The following FSTL4 variants were observed in gnomAD, a reference collection of about 807,000 sequenced individuals.
FSTL4 encodes follistatin-related protein 4.
FSTL4 carries 28 observed loss-of-function variants against 78.2 expected under a neutral mutation model. That is an observed-to-expected ratio of 0.36 (90% CI 0.27 to 0.49). The LOEUF (loss-of-function observed/expected upper bound fraction) is 0.49, where lower values mean the gene tolerates loss of function less well. Among genes scored for constraint, FSTL4 ranks in the 20% least tolerant of loss-of-function variants. FSTL4 has a pLI of 0.98. For synonymous variants in FSTL4, 422 were observed against 440.5 expected (o/e 0.96, Z 0.53); for missense variants, 922 against 1,084.9 (o/e 0.85, Z 2.11).
the FSTL4 span, among the ~76,000 whole-genome samples, chr5:133,697,914 C>CT: frequency 9.9e-5 from 15 of 151,850 alleles, no homozygotes; most frequent in African/African-American, 3.6e-4. Context: ...GGGGAAGTAC[C>CT]CCCAAAAAGA....
chr5:133,553,841 G>C (rs1759735166), intron 3 of FSTL4, among the ~76,000 whole-genome samples: 1 of 152,192 alleles, frequency 6.6e-6, no homozygotes, highest in Admixed American at 6.5e-5. Flanking sequence ...AAGTCTCTGG[G>C]ATATGTTGGA....
At chr5:133,579,340 G>A (rs1325815020) in intron 2 of FSTL4, among the ~76,000 whole-genome samples, 1 of 152,224 alleles carries the variant, frequency 6.6e-6, no homozygotes, top group African/African-American at 2.4e-5. Context: ...CATACTGACT[G>A]TCACTGAAGC....
At chr5:133,609,956 C>T (rs1478564414) in intron 1 of FSTL4, among the ~76,000 whole-genome samples, 1 of 152,148 alleles carries the variant, frequency 6.6e-6, no homozygotes, top group Non-Finnish European at 1.5e-5. Context: ...CACAACTAAC[C>T]GCACATAAGC....
At chr5:133,496,944 T>C (rs917510611) in intron 3 of FSTL4, among the ~76,000 whole-genome samples, 5 of 152,142 alleles carry the variant, frequency 3.3e-5, no homozygotes, top group African/African-American at 1.2e-4. Flanking sequence ...CTTCTGGTCT[T>C]AGCCAGCCCT....
chr5:133,563,101 T>C (rs1365839956), intron 3 of FSTL4, among the ~76,000 whole-genome samples: 2 of 151,894 alleles, frequency 1.3e-5, no homozygotes, highest in Non-Finnish European at 2.9e-5. Flanking sequence ...TATAGGGAGG[T>C]CCCAGGCATG....
intron 2 of FSTL4, among the ~76,000 whole-genome samples, chr5:133,578,185 C>G (rs563767406): frequency 3.3e-5 from 5 of 152,330 alleles, no homozygotes; most frequent in Admixed American, 6.5e-5. Context: ...TACTCTTTTA[C>G]TTTACTAATT....
intron 3 of FSTL4, among the ~76,000 whole-genome samples, chr5:133,439,090 GTTCCC>G (rs1757096606): frequency 6.6e-6 from 1 of 152,208 alleles, no homozygotes; most frequent in South Asian, 2.1e-4. Flanking sequence ...GGCCAAGTGT[GTTCCC>G]TAATAGCTTG....
At chr5:133,650,687 G>A in the FSTL4 span, among the ~76,000 whole-genome samples, 1 of 152,112 alleles carries the variant, frequency 6.6e-6, no homozygotes, top group East Asian at 1.9e-4. Flanking sequence ...TGATTACTAT[G>A]GCTTTATAGT....
At chr5:133,703,403 A>G in the FSTL4 span, among the ~76,000 whole-genome samples, 1 of 152,170 alleles carries the variant, frequency 6.6e-6, no homozygotes, top group Non-Finnish European at 1.5e-5. Flanking sequence ...CCAGGGCTCT[A>G]TCTCTCTGTG....
chr5:133,590,236 A>G (rs1275567140), intron 2 of FSTL4, among the ~76,000 whole-genome samples: 2 of 152,134 alleles, frequency 1.3e-5, no homozygotes, highest in Non-Finnish European at 2.9e-5. Flanking sequence ...CTTCCAGCCC[A>G]GAGCTCCAGA....
the FSTL4 span, among the ~76,000 whole-genome samples, chr5:133,620,078 G>T: frequency 6.6e-6 from 1 of 152,142 alleles, no homozygotes; most frequent in Admixed American, 6.5e-5. Context: ...AAAAAATGAT[G>T]TCATATCTAG....
chr5:133,800,336 G>A, the FSTL4 span, among the ~76,000 whole-genome samples: 2 of 138,458 alleles, frequency 1.4e-5, no homozygotes, highest in East Asian at 4.0e-4. Flanking sequence ...GTTTAGGGCA[G>A]GGGTATCCAA....
At chr5:133,413,006 G>T (rs1366840475) in intron 3 of FSTL4, among the ~76,000 whole-genome samples, 2 of 151,236 alleles carry the variant, frequency 1.3e-5, no homozygotes, top group Admixed American at 6.6e-5. Context: ...CTCTCTTTTG[G>T]TTCCTTATTT....
At chr5:133,604,094 G>T (rs1032547533) in intron 1 of FSTL4, 101 bp from the exon 2 acceptor site, 8 of 836,576 alleles carry the variant, frequency 9.6e-6, no homozygotes, top group African/African-American at 3.3e-5. Context: ...ATAAGCCTGG[G>T]TTTAAATCCT....
chr5:133,742,650 G>A, the FSTL4 span, among the ~76,000 whole-genome samples: 2 of 152,262 alleles, frequency 1.3e-5, no homozygotes, highest in African/African-American at 2.4e-5. Context: ...AGACAGAGAG[G>A]TGGAAAGGAC....
intron 3 of FSTL4, among the ~76,000 whole-genome samples, chr5:133,520,758 T>C (rs1193375902): frequency 6.6e-6 from 1 of 152,094 alleles, no homozygotes; most frequent in Admixed American, 6.6e-5. Flanking sequence ...TATTTCTCAC[T>C]GTGCATAATA....
At chr5:133,521,467 G>A (rs1230150242) in intron 3 of FSTL4, among the ~76,000 whole-genome samples, 1 of 152,072 alleles carries the variant, frequency 6.6e-6, no homozygotes, top group East Asian at 1.9e-4. Context: ...GGACTTGCAA[G>A]CTCACCAAGG....
At chr5:133,674,073 A>T in the FSTL4 span, among the ~76,000 whole-genome samples, 1 of 152,166 alleles carries the variant, frequency 6.6e-6, no homozygotes, top group Non-Finnish European at 1.5e-5. Context: ...AGAGGCCCCC[A>T]CCATAGCAAA....
chr5:133,319,011 G>A (rs920371624), intron 4 of FSTL4, among the ~76,000 whole-genome samples: 5 of 152,224 alleles, frequency 3.3e-5, no homozygotes, highest in Non-Finnish European at 7.3e-5. Context: ...GTCCCCCTGT[G>A]AGCAGGGGTC....
Sources: gnomAD v4.1 joint callset for allele counts (sites outside exome capture counted in the v4.1 genomes callset) on GRCh38, gnomAD v4.1.1 for gene constraint, MANE v1.5 for transcripts, NCBI Gene and HGNC (gene_info 2026-07-23, HGNC 2026-07-21) for gene names.